The following GRM7 variants were observed in gnomAD, a reference collection of about 807,000 sequenced individuals.
The protein encoded by GRM7 is metabotropic glutamate receptor 7.
GRM7 carries 35 observed loss-of-function variants against 84.5 expected under a neutral mutation model. That is an observed-to-expected ratio of 0.41 (90% CI 0.32 to 0.55). The LOEUF (loss-of-function observed/expected upper bound fraction) is 0.55, where lower values mean the gene tolerates loss of function less well. Ranked by LOEUF, GRM7 falls within the 20% of genes least tolerant of loss-of-function variation. The pLI is 0.19. For missense variants in GRM7, 1,003 were observed against 1,194.6 expected, an observed-to-expected ratio of 0.84 and a Z score of 2.36; for synonymous variants, 487 against 455.1, an observed-to-expected ratio of 1.07 and a Z score of -0.89.
At chr3:7,543,431 A>G (rs1034263473) in intron 7 of GRM7, among the ~76,000 whole-genome samples, 2 of 152,214 alleles carry the variant, frequency 1.3e-5, no homozygotes, top group Non-Finnish European at 2.9e-5. Context: ...CAAAGGACCA[A>G]TCCTGTCTTA....
rs149868596 is a variant in GRM7 at position 7,092,983 on chromosome 3, T to C, written c.520-53469T>C. 5.7e-3 allele frequency among the ~76,000 whole-genome samples: 872 copies of C among 152,196 alleles called. 11 individuals are homozygous for C. Among genetic ancestry groups the C allele is most frequent in the African/African-American group, 0.02 (831 of 41,528 alleles). ...CTGTAGTCCCAGCTGCTTGGGAGAC[T>C]GAGGTAGGAGGATTCCTTGAGCCCA... On this transcript the variant is annotated intron_variant, in intron 1 of 9. Coordinates refer to ENST00000357716, the MANE Select transcript of GRM7 (RefSeq NM_000844.4).
chr3:7,668,191 G>A lies in GRM7; in HGVS notation c.2452-11858G>A, dbSNP rs536648658. 1.9e-3 allele frequency among the ~76,000 whole-genome samples: 289 copies of A among 152,290 alleles called. 1 individual carries two copies. Among genetic ancestry groups the A allele is most frequent in the African/African-American group, 5.7e-3 (239 of 41,572 alleles). On this transcript the variant is annotated intron_variant, in intron 8 of 9. Transcript: ENST00000357716. ...CAGTTTAGGAAATACTTACTGCAGG[G>A]AAAGTGTGTGCCCTGGGAGCCTCAG...
chr3:7,068,801 C>T (rs11928850), intron 1 of GRM7, among the ~76,000 whole-genome samples: 6,364 of 151,872 alleles, frequency 0.042, 246 homozygotes, highest in African/African-American at 0.095. Context: ...CTGTGAAAAA[C>T]CCAGTATAAG....
chr3:7,528,275 T>C (rs1700887970), intron 7 of GRM7, among the ~76,000 whole-genome samples: 1 of 152,140 alleles, frequency 6.6e-6, no homozygotes, highest in African/African-American at 2.4e-5. Flanking sequence ...TCCAGGAATT[T>C]ATTAATTTTC....
At chr3:7,099,474 CA>C (rs1239417129) in intron 1 of GRM7, among the ~76,000 whole-genome samples, 2 of 144,764 alleles carry the variant, frequency 1.4e-5, no homozygotes, top group Non-Finnish European at 3.0e-5. Context: ...TACATATACA[CA>C]TATATGTATA....
chr3:6,886,246 T>A (rs1695689804), intron 1 of GRM7, among the ~76,000 whole-genome samples: 1 of 151,966 alleles, frequency 6.6e-6, no homozygotes, highest in Non-Finnish European at 1.5e-5. Context: ...TGGTTAAGAG[T>A]GTAGTCCCGC....
intron 8 of GRM7, among the ~76,000 whole-genome samples, chr3:7,614,045 T>G (rs945078389): frequency 3.9e-5 from 6 of 152,074 alleles, no homozygotes; most frequent in Non-Finnish European, 7.4e-5. Context: ...GAGCTGATCA[T>G]CTGAGGTAAG....
chr3:7,374,602 C>T (rs1043782228), intron 4 of GRM7, among the ~76,000 whole-genome samples: 5 of 151,984 alleles, frequency 3.3e-5, no homozygotes, highest in Admixed American at 6.5e-5. Flanking sequence ...CCTCAGTCTC[C>T]CAAGTAGCTA....
At chr3:7,445,113 G>T (rs1697451128) in intron 5 of GRM7, among the ~76,000 whole-genome samples, 2 of 152,122 alleles carry the variant, frequency 1.3e-5, no homozygotes, top group Admixed American at 6.6e-5. Context: ...ATACAATGGT[G>T]GTTGTCAAAA....
intron 1 of GRM7, among the ~76,000 whole-genome samples, chr3:7,012,315 C>T (rs1695401830): frequency 6.6e-6 from 1 of 152,142 alleles, no homozygotes; most frequent in African/African-American, 2.4e-5. Context: ...TTTTAAAGGG[C>T]ATTTGAAAAC....
intron 1 of GRM7, among the ~76,000 whole-genome samples, chr3:6,944,654 T>C (rs1697998561): frequency 6.6e-6 from 1 of 152,178 alleles, no homozygotes; most frequent in Non-Finnish European, 1.5e-5. Context: ...AATGCATTTT[T>C]CCCCGTACTT....
intron 8 of GRM7, among the ~76,000 whole-genome samples, chr3:7,671,032 A>C (rs1035845603): frequency 3.9e-5 from 6 of 152,154 alleles, no homozygotes; most frequent in Admixed American, 2.6e-4. Flanking sequence ...ATGGTCAATA[A>C]CCTTTTAGAT....
At chr3:7,275,323 C>T (rs530233217) in intron 2 of GRM7, among the ~76,000 whole-genome samples, 1 of 152,214 alleles carries the variant, frequency 6.6e-6, no homozygotes, top group Admixed American at 6.5e-5. Flanking sequence ...GTGTTTTCTG[C>T]TTTTCAGTTT....
intron 8 of GRM7, among the ~76,000 whole-genome samples, chr3:7,604,185 T>C (rs1169901949): frequency 1.5e-4 from 23 of 151,508 alleles, no homozygotes; most frequent in Non-Finnish European, 2.9e-5. Context: ...GTAATTAGTA[T>C]TATGCTTATT....
chr3:7,505,003 TC>T (rs1559367285), intron 7 of GRM7, among the ~76,000 whole-genome samples: 1 of 152,042 alleles, frequency 6.6e-6, no homozygotes, highest in Non-Finnish European at 1.5e-5. Flanking sequence ...ACTTGTGAAA[TC>T]AAAACAAGTT....
chr3:6,955,603 AG>A (rs1472485599), intron 1 of GRM7, among the ~76,000 whole-genome samples: 1 of 151,984 alleles, frequency 6.6e-6, no homozygotes, highest in Non-Finnish European at 1.5e-5. Flanking sequence ...CTAGAACTTT[AG>A]GAGGCTGAGA....
intron 7 of GRM7, among the ~76,000 whole-genome samples, chr3:7,546,810 G>A (rs537883467): frequency 1.3e-5 from 2 of 151,988 alleles, no homozygotes; most frequent in African/African-American, 2.4e-5. Flanking sequence ...TTAATAAATC[G>A]TGGTTCTGCT....
At chr3:7,099,186 A>G (rs1698963517) in intron 1 of GRM7, among the ~76,000 whole-genome samples, 1 of 148,958 alleles carries the variant, frequency 6.7e-6, no homozygotes, top group Admixed American at 6.7e-5. Flanking sequence ...TTAATTGCAT[A>G]TATATATATA....
chr3:7,491,449 A>C (rs1264744884), intron 7 of GRM7, among the ~76,000 whole-genome samples: 1 of 151,998 alleles, frequency 6.6e-6, no homozygotes, highest in African/African-American at 2.4e-5. Context: ...TTATTAGGAC[A>C]TTGGCCTTTA....
Sources: allele counts gnomAD v4.1 joint callset (sites outside exome capture counted in the v4.1 genomes callset), GRCh38; gene constraint gnomAD v4.1.1; transcripts MANE v1.5; gene names NCBI Gene and HGNC (gene_info 2026-07-23, HGNC 2026-07-21).